RBFOX1: variants seen among roughly 807,000 people sequenced by gnomAD.
RBFOX1 encodes RNA binding protein fox-1 homolog 1.
Under a neutral mutation model 57.7 loss-of-function variants are expected in RBFOX1, and 8 were observed. The ratio of observed to expected loss-of-function variants is 0.14; its 90% confidence interval spans 0.08 to 0.25. The LOEUF is 0.25. Among genes scored for constraint, RBFOX1 ranks in the 10% least tolerant of loss-of-function variants. The probability of loss-of-function intolerance (pLI) is 1.00; values close to 1 mark genes in which losing one functional copy is unlikely to be tolerated. For synonymous variants in RBFOX1, 326 were observed against 222.4 expected (o/e 1.47, Z -4.15); for missense variants, 611 against 548.5 (o/e 1.11, Z -1.14).
Position 7,119,655 on chromosome 16 carries a change from C to G in RBFOX1, c.27+67557C>G, listed in dbSNP as rs575406543. ...TAAGAGGGCCAAGTCACCAAAAAGA[C>G]AAAACAATCTTAAACAATCATGATT... On this transcript the variant is annotated intron_variant, in intron 4 of 15. Transcript: ENST00000550418. 2.7e-4 allele frequency among the ~76,000 whole-genome samples: 41 copies of G among 151,686 alleles called. 1 individual carries two copies. The South Asian group carries it at 8.2e-3, about 30-fold the overall frequency.
intron 4 of RBFOX1, among the ~76,000 whole-genome samples, chr16:7,115,814 A>G (rs2065783504): frequency 1.3e-5 from 2 of 152,252 alleles, no homozygotes; most frequent in South Asian, 2.1e-4. Context: ...ACACATGAAC[A>G]GGGATCACTG....
In RBFOX1 at chr16:6,065,508, C is replaced by G. The variant is rs2095750076; in HGVS notation, c.-127+45516C>G. On this transcript the variant is annotated intron_variant, in intron 1 of 15. Coordinates refer to ENST00000550418, the MANE Select transcript of RBFOX1 (RefSeq NM_018723.4). ...TATATCATTGCGGTTTCCACTCAGT[C>G]CTCTGTCTGTTTCATTCCTAATTAA... Among the ~76,000 whole-genome samples the G allele has an allele frequency of 2.0e-5, 3 of 152,148 alleles. No individual in the cohort carries two copies. The South Asian group carries it at 6.2e-4, about 32-fold the overall frequency.
intron 4 of RBFOX1, among the ~76,000 whole-genome samples, chr16:7,144,360 C>A (rs2074461010): frequency 6.6e-6 from 1 of 151,326 alleles, no homozygotes; most frequent in South Asian, 2.1e-4. Context: ...CATCCTTGGA[C>A]ACTATCCATG....
chr16:5,997,898 G>A (rs2060518702), intron 4 of RBFOX1, among the ~76,000 whole-genome samples: 1 of 152,000 alleles, frequency 6.6e-6, no homozygotes, highest in Admixed American at 6.5e-5. Context: ...TTTTCAAGAT[G>A]TTAGAGTACA....
intron 5 of RBFOX1, among the ~76,000 whole-genome samples, chr16:7,568,079 G>GTCCTGATCCAGACACCAAGAAAGGGT (rs2092315913): frequency 6.6e-6 from 1 of 151,922 alleles, no homozygotes; most frequent in Non-Finnish European, 1.5e-5. Flanking sequence ...CTGGAAAGGG[G>GTCCTGATCCAGACACCAAGAAAGGGT]TCCTGATCCA....
intron 1 of RBFOX1, among the ~76,000 whole-genome samples, chr16:6,281,517 G>A (rs924567687): frequency 1.3e-5 from 2 of 152,072 alleles, no homozygotes; most frequent in Non-Finnish European, 2.9e-5. Context: ...GCCCCAAAGT[G>A]CTTTGTTCTG....
At chr16:7,207,635 C>A (rs1345076377) in intron 4 of RBFOX1, among the ~76,000 whole-genome samples, 1 of 152,324 alleles carries the variant, frequency 6.6e-6, no homozygotes, top group South Asian at 2.1e-4. Context: ...AGAACAGTCT[C>A]TGCAACCTAA....
intron 5 of RBFOX1, among the ~76,000 whole-genome samples, chr16:7,544,412 C>G (rs867731523): frequency 5.9e-5 from 9 of 152,092 alleles, no homozygotes; most frequent in African/African-American, 2.2e-4. Context: ...GAAAGTAGAG[C>G]CTTTGTAGAT....
intron 2 of RBFOX1, among the ~76,000 whole-genome samples, chr16:5,571,204 C>G (rs868114590): frequency 4.0e-5 from 6 of 148,438 alleles, no homozygotes; most frequent in Middle Eastern, 6.8e-3. Flanking sequence ...AGTGAAGTGA[C>G]CCATCTTTGA....
At position 7,140,157 on chromosome 16, in the gene RBFOX1, C is replaced by CTCTCTCTCTCTCT. The variant is rs2073295791; in HGVS notation, c.27+88059_27+88060insTCTCTCTCTCTCT. 1.8e-4 allele frequency among the ~76,000 whole-genome samples: 13 copies of CTCTCTCTCTCTCT among 70,886 alleles called. 1 individual carries two copies. Among genetic ancestry groups the CTCTCTCTCTCTCT allele is most frequent in the African/African-American group, 6.5e-4 (11 of 16,902 alleles). The allele number at this position is 70,886 out of a possible 152,430, so 46.5% of individuals were successfully genotyped here. ...CATTCTCTTATTCTCTCCTTCTCTC[C>CTCTCTCTCTCTCT]CTCTCTCTCTCTCTCTCTCTCTCTC... On this transcript the variant is annotated intron_variant, in intron 4 of 15. Transcript: ENST00000550418.
At chr16:5,949,262 T>C (rs548729500) in intron 4 of RBFOX1, among the ~76,000 whole-genome samples, 30 of 152,168 alleles carry the variant, frequency 2.0e-4, no homozygotes, top group Non-Finnish European at 3.7e-4. Flanking sequence ...TCTAGCTATC[T>C]TTAAAAAAAG....
downstream of RBFOX1, among the ~76,000 whole-genome samples, chr16:5,601,828 T>C (rs925623426): frequency 6.6e-6 from 1 of 152,230 alleles, no homozygotes; most frequent in Non-Finnish European, 1.5e-5. Context: ...CAAAGGTGTC[T>C]GAGATGGCTC....
At chr16:7,048,329 G>C (rs2048764006) in intron 3 of RBFOX1, among the ~76,000 whole-genome samples, 1 of 151,810 alleles carries the variant, frequency 6.6e-6, no homozygotes, top group Non-Finnish European at 1.5e-5. Flanking sequence ...GCACAATCTT[G>C]GCTCACTGCA....
At chr16:5,325,133 G>A (rs756241203) in intron 1 of RBFOX1, among the ~76,000 whole-genome samples, 8 of 152,108 alleles carry the variant, frequency 5.3e-5, no homozygotes, top group African/African-American at 9.7e-5. Flanking sequence ...CTTAAGAAGC[G>A]CTGCTCTACA....
rs553102309 is a variant in RBFOX1 at position 5,250,602 on chromosome 16, C to T, written c.219+10497C>T. ...ATTTGCACATAAGTGCTTATTGTAA[C>T]CTTTTTAAAAAAATAAAAATGGAAT... is the stretch of plus-strand genomic sequence containing the variant. On this transcript the variant is annotated intron_variant, in intron 1 of 2. Coordinates refer to the RBFOX1 transcript ENST00000585867. 2.6e-5 allele frequency among the ~76,000 whole-genome samples: 4 copies of T among 152,140 alleles called. No individual in the cohort carries two copies. The East Asian group carries it at 5.8e-4, about 22-fold the overall frequency.
At chr16:7,058,304 T>C (rs963853731) in intron 4 of RBFOX1, among the ~76,000 whole-genome samples, 6 of 152,222 alleles carry the variant, frequency 3.9e-5, no homozygotes, top group Admixed American at 2.6e-4. Flanking sequence ...TTAGCAGGGC[T>C]GTAACACTTT....
intron 4 of RBFOX1, among the ~76,000 whole-genome samples, chr16:7,274,351 G>T (rs757399192): frequency 2.0e-5 from 3 of 152,116 alleles, no homozygotes; most frequent in Non-Finnish European, 2.9e-5. Context: ...AATTCAGAAA[G>T]TTTAACTGCT....
intron 3 of RBFOX1, among the ~76,000 whole-genome samples, chr16:5,627,370 G>A (rs1358665057): frequency 1.3e-5 from 2 of 152,024 alleles, no homozygotes; most frequent in South Asian, 2.1e-4. Context: ...AAACCAAATT[G>A]TGTATCCCAC....
intron 3 of RBFOX1, among the ~76,000 whole-genome samples, chr16:6,914,825 C>T (rs770098182): frequency 6.6e-6 from 1 of 152,218 alleles, no homozygotes; most frequent in East Asian, 1.9e-4. Context: ...GAGTTCAAGG[C>T]TGCACTGAGC....
Sources: gnomAD v4.1 joint callset for allele counts (sites outside exome capture counted in the v4.1 genomes callset) on GRCh38, gnomAD v4.1.1 for gene constraint, MANE v1.5 for transcripts, NCBI Gene and HGNC (gene_info 2026-07-23, HGNC 2026-07-21) for gene names.